Variants in EDARADD observed in about 807,000 individuals in gnomAD.
EDARADD encodes ectodysplasin-A receptor-associated adapter protein.
A neutral mutation model predicts 25.6 loss-of-function variants in EDARADD; 20 were observed. That is an observed-to-expected ratio of 0.78 (90% CI 0.55 to 1.14). EDARADD has a LOEUF of 1.14. Among genes scored for constraint, EDARADD ranks in the 50% most tolerant of loss-of-function variants. The pLI is 0.00. For synonymous variants in EDARADD, 86 were observed against 94.4 expected, an observed-to-expected ratio of 0.91 and a Z score of 0.52; for missense variants, 225 against 270.1, an observed-to-expected ratio of 0.83 and a Z score of 1.17.
rs1435268074 is a variant in EDARADD, at chr1:236,405,781, C to CT, written c.62-3432dup. Reference sequence around the variant, plus strand: ...TCTTTCTTTCTTTCTTTCTTTCTTTCTTTCTTTCTTTTCTTTTTCTTTCTT... The same window carrying CT: ...TCTTTCTTTCTTTCTTTCTTTCTTTCTTTTCTTTCTTTTCTTTTTCTTTCTT... On this transcript the variant is annotated intron_variant, in intron 1 of 5. Coordinates refer to ENST00000334232, the MANE Select transcript of EDARADD (RefSeq NM_145861.4). Among the ~76,000 whole-genome samples the CT allele has an allele frequency of 2.7e-3, 172 of 63,396 alleles. 4 individuals are homozygous for CT. The highest frequency in any genetic ancestry group is 0.01 in the African/African-American group (166 of 16,300). The allele number at this position is 63,396 out of a possible 152,430, so 41.6% of individuals were successfully genotyped here.
chr1:236,374,394 C>A (rs939056884), intron 3 of EDARADD, among the ~76,000 whole-genome samples: 1 of 151,878 alleles, frequency 6.6e-6, no homozygotes, highest in South Asian at 2.1e-4. Flanking sequence ...CCCACCTCAG[C>A]CTCCCAAGTA....
intron 4 of EDARADD, among the ~76,000 whole-genome samples, chr1:236,457,734 G>A (rs1480618022): frequency 2.7e-5 from 4 of 150,530 alleles, no homozygotes; most frequent in South Asian, 2.1e-4. Context: ...CAGGAAAATC[G>A]CTTGAACCCA....
At chr1:236,454,898 AG>A (rs1473737669) in intron 4 of EDARADD, among the ~76,000 whole-genome samples, 1 of 152,188 alleles carries the variant, frequency 6.6e-6, no homozygotes, top group Non-Finnish European at 1.5e-5. Flanking sequence ...GGGAGATGGA[AG>A]GGTTGCTCCT....
intron 3 of EDARADD, among the ~76,000 whole-genome samples, chr1:236,362,333 C>G (rs1400503672): frequency 1.3e-5 from 2 of 152,180 alleles, no homozygotes; most frequent in African/African-American, 4.8e-5. Context: ...TGCCTCCTTG[C>G]CACCCATATA....
At chr1:236,367,293 G>A (rs1432744447) in intron 3 of EDARADD, among the ~76,000 whole-genome samples, 1 of 151,732 alleles carries the variant, frequency 6.6e-6, no homozygotes, top group Non-Finnish European at 1.5e-5. Flanking sequence ...GCAGTGGCAC[G>A]ATCTTGGCTC....
intron 3 of EDARADD, among the ~76,000 whole-genome samples, chr1:236,376,905 T>C (rs1667231340): frequency 1.3e-5 from 2 of 152,092 alleles, no homozygotes; most frequent in South Asian, 4.1e-4. Flanking sequence ...GAAGTTTCTA[T>C]TAACATATCC....
At chr1:236,393,391 C>CTTTTTTTTTTTTTTTTTTTTT (rs761525038), upstream of EDARADD, among the ~76,000 whole-genome samples, 54 of 87,204 alleles carry the variant, frequency 6.2e-4, 2 homozygotes, top group East Asian at 2.0e-3. Flanking sequence ...TTCTTTCTTT[C>CTTTTTTTTTTTTTTTTTTTTT]TTTTTTTTTT....
intron 4 of EDARADD, among the ~76,000 whole-genome samples, chr1:236,463,639 G>T (rs539226105): frequency 6.6e-6 from 1 of 152,116 alleles, no homozygotes; most frequent in African/African-American, 2.4e-5. Context: ...AAGTATATTC[G>T]CGGTGTTGTG....
At position 236,362,465 on chromosome 1, in the gene EDARADD, T is replaced by C. The variant is rs572222304; in HGVS notation, c.-6+11626T>C. Among the ~76,000 whole-genome samples the C allele has an allele frequency of 1.6e-4, 25 of 152,362 alleles. No homozygotes were observed. The South Asian group carries it at 4.3e-3, about 26-fold the overall frequency. ...GGATACAAATCCTTTATCAGGTAGA[T>C]GCTTTGCAAAACACTTCCCCAGCTT... is the stretch of plus-strand genomic sequence containing the variant. On this transcript the variant is annotated intron_variant, in intron 3 of 7. Coordinates refer to the EDARADD transcript ENST00000439430.
At chr1:236,446,014 G>T (rs931688831) in intron 4 of EDARADD, among the ~76,000 whole-genome samples, 1 of 152,148 alleles carries the variant, frequency 6.6e-6, no homozygotes, top group African/African-American at 2.4e-5. Flanking sequence ...GTGAGAAGTC[G>T]TGATTCATTA....
intron 4 of EDARADD, among the ~76,000 whole-genome samples, chr1:236,436,624 CAAAAAAAAAAA>C (rs5781885): frequency 1.1e-5 from 1 of 94,230 alleles, no homozygotes; most frequent in Non-Finnish European, 1.9e-5. Flanking sequence ...AAGATCTTGT[CAAAAAAAAAAA>C]AAAAAAAAAG....
chr1:236,433,116 A>G (rs1658150586), intron 4 of EDARADD, among the ~76,000 whole-genome samples: 1 of 152,106 alleles, frequency 6.6e-6, no homozygotes, highest in South Asian at 2.1e-4. Context: ...ATGATTCTAA[A>G]ATAAAAGCGT....
chr1:236,444,049 A>G (rs1298717462), intron 4 of EDARADD, among the ~76,000 whole-genome samples: 1 of 152,222 alleles, frequency 6.6e-6, no homozygotes, highest in African/African-American at 2.4e-5. Flanking sequence ...ACCCTCCATC[A>G]GCAGAAAGAC....
intron 3 of EDARADD, among the ~76,000 whole-genome samples, chr1:236,371,249 G>C (rs945229960): frequency 7.2e-5 from 11 of 152,242 alleles, no homozygotes; most frequent in African/African-American, 2.6e-4. Flanking sequence ...ATGAAAAAGT[G>C]ATTGGCTTTT....
At chr1:236,425,368 A>G (rs1657888943) in intron 3 of EDARADD, among the ~76,000 whole-genome samples, 1 of 152,230 alleles carries the variant, frequency 6.6e-6, no homozygotes, top group African/African-American at 2.4e-5. Context: ...GGGAAGCAGC[A>G]GCTGAGGGGA....
intron 3 of EDARADD, among the ~76,000 whole-genome samples, chr1:236,378,498 G>A (rs990796178): frequency 6.6e-6 from 1 of 152,116 alleles, no homozygotes; most frequent in South Asian, 2.1e-4. Context: ...ACCTGTCTGT[G>A]TCTCCAATTC....
intron 4 of EDARADD, among the ~76,000 whole-genome samples, chr1:236,466,837 G>A (rs575787623): frequency 7.9e-5 from 12 of 152,178 alleles, no homozygotes; most frequent in Admixed American, 1.3e-4. Flanking sequence ...GGGAGGCCAA[G>A]GTGGGCGGAT....
At chr1:236,441,504 G>A (rs1658400372) in intron 4 of EDARADD, among the ~76,000 whole-genome samples, 1 of 145,958 alleles carries the variant, frequency 6.9e-6, no homozygotes, top group African/African-American at 2.5e-5. Context: ...TTTATAATAT[G>A]TAATATAATA....
Position 236,482,590 on chromosome 1 carries a change from A to G in EDARADD, c.589A>G (p.Arg197Gly). ...GGCCGACGTGGAGAAGGTTCTGCGC[A>G]GGTGGGTGGACGAGGAGTGGCCCAA... ...HRADVEKVLRRWVDEEWPKRE... is the reference protein window; with the variant it reads ...HRADVEKVLRGWVDEEWPKRE... The change falls in exon 6 of 6, where the codon AGG becomes GGG. Residue 197 changes from arginine (R) to glycine (G), a missense_variant. By Grantham distance (125) the Arg-to-Gly change is moderately radical. Transcript: ENST00000334232. 6.2e-7 allele frequency: 1 copy of G among 1,612,994 alleles called. No individual in the cohort carries two copies. The highest frequency in any genetic ancestry group is 8.5e-7 in the Non-Finnish European group (1 of 1,180,012).
Sources: allele counts gnomAD v4.1 joint callset (sites outside exome capture counted in the v4.1 genomes callset), GRCh38; gene constraint gnomAD v4.1.1; transcripts MANE v1.5; gene names NCBI Gene and HGNC (gene_info 2026-07-23, HGNC 2026-07-21).